CDH22: variants seen among roughly 807,000 people sequenced by gnomAD.
CDH22 encodes the protein cadherin 22, also known as cadherin-22.
CDH22 carries 30 observed loss-of-function variants against 58.4 expected under a neutral mutation model. That is an observed-to-expected ratio of 0.51 (90% CI 0.38 to 0.70). The LOEUF (loss-of-function observed/expected upper bound fraction) is 0.70. Among genes scored for constraint, CDH22 ranks in the 30% least tolerant of loss-of-function variants. The pLI, the probability that CDH22 is intolerant of heterozygous loss-of-function variation, is 0.00. For missense variants in CDH22, 1,014 were observed against 1,233.9 expected, an observed-to-expected ratio of 0.82 and a Z score of 2.67; for synonymous variants, 513 against 558.2, an observed-to-expected ratio of 0.92 and a Z score of 1.14.
rs776689954 is a variant in CDH22 at position 46,213,058 on chromosome 20, G to A, written c.969C>T (p.Gly323=). The change falls in exon 6 of 12, where the codon GGC becomes GGT. Residue 323 remains glycine, a synonymous_variant. Transcript: ENST00000537909. ...TYHLKDESSS[G]GDVFKVTTDS... is the part of the protein sequence containing the mutation. The stretch of plus-strand genomic sequence containing the variant: ...CTGTGGTGACCTTGAACACATCGCC[G>A]CCGCTGCTGCTCTCGTCCTTAAGGT... 3.0e-5 allele frequency: 48 copies of A among 1,614,132 alleles called. No homozygotes were observed. In the East Asian group the frequency reaches 7.8e-4, roughly 26 times the overall value.
intron 1 of CDH22, among the ~76,000 whole-genome samples, chr20:46,290,383 C>T (rs1004014051): frequency 6.6e-6 from 1 of 152,074 alleles, no homozygotes; most frequent in Non-Finnish European, 1.5e-5. Context: ...GGGTAGAGGC[C>T]AGGAATGCTG....
intron 1 of CDH22, among the ~76,000 whole-genome samples, chr20:46,301,457 G>A (rs1198059167): frequency 6.6e-6 from 1 of 151,706 alleles, no homozygotes; most frequent in Non-Finnish European, 1.5e-5. Flanking sequence ...AGGTTGTCAT[G>A]TTTCTCATTT....
chr20:46,301,592 C>T (rs1362812103), intron 1 of CDH22, among the ~76,000 whole-genome samples: 1 of 151,858 alleles, frequency 6.6e-6, no homozygotes, highest in Non-Finnish European at 1.5e-5. Context: ...GGGTGGACCA[C>T]CAGAGGTCAG....
chr20:46,241,908 T>C lies in CDH22; in HGVS notation c.256-651A>G, dbSNP rs1213935503. 6.6e-6 allele frequency among the ~76,000 whole-genome samples: 1 copy of C among 152,192 alleles called. No homozygotes were observed. The highest frequency in any genetic ancestry group is 1.5e-5 in the Non-Finnish European group (1 of 68,034). ...AGGTCTGGGGCCAGGCCTCAGACTT[T>C]GCATTTCTAACAAACTTCCAGGCTG... is the stretch of plus-strand genomic sequence containing the variant. On this transcript the variant is annotated intron_variant, in intron 2 of 11. Transcript: ENST00000537909. The surrounding 1 kb of genome is among the most constrained non-coding windows in gnomAD (Gnocchi z 5.2).
At chr20:46,235,669 C>T (rs1449540986) in intron 3 of CDH22, among the ~76,000 whole-genome samples, 1 of 152,182 alleles carries the variant, frequency 6.6e-6, no homozygotes, top group East Asian at 1.9e-4. Context: ...TCTCCTCTGC[C>T]TCTTACTCCC....
chr20:46,261,679 C>T (rs529182402), intron 1 of CDH22, among the ~76,000 whole-genome samples: 6 of 152,248 alleles, frequency 3.9e-5, no homozygotes, highest in East Asian at 1.9e-4. Context: ...TGAGTCCCAG[C>T]GGCACTGTGC....
At chr20:46,180,613 T>TA (rs1247548245) in intron 10 of CDH22, among the ~76,000 whole-genome samples, 1 of 152,202 alleles carries the variant, frequency 6.6e-6, no homozygotes, top group African/African-American at 2.4e-5. Flanking sequence ...TTAATCCTCA[T>TA]AACCTGTTAA....
chr20:46,290,544 T>A (rs1304394768), intron 1 of CDH22, among the ~76,000 whole-genome samples: 1 of 151,778 alleles, frequency 6.6e-6, no homozygotes, highest in African/African-American at 2.4e-5. Flanking sequence ...GGGCCAGGAG[T>A]CAGGATATGA....
intron 1 of CDH22, among the ~76,000 whole-genome samples, chr20:46,301,668 G>A (rs1025476465): frequency 2.6e-4 from 40 of 151,890 alleles, no homozygotes; most frequent in Non-Finnish European, 3.1e-4. Flanking sequence ...AAAATTGGCC[G>A]GGTGTTGTGG....
At chr20:46,264,695 G>C (rs1332292894) in intron 1 of CDH22, among the ~76,000 whole-genome samples, 1 of 152,104 alleles carries the variant, frequency 6.6e-6, no homozygotes, top group Non-Finnish European at 1.5e-5. Context: ...GGACAGGCCT[G>C]CGTTTGGCTC....
chr20:46,245,874 C>T (rs1250444936), intron 2 of CDH22, among the ~76,000 whole-genome samples: 1 of 150,280 alleles, frequency 6.7e-6, no homozygotes, highest in Non-Finnish European at 1.5e-5. Context: ...GATGGGCAAA[C>T]TGAGGCCCAG....
chr20:46,228,794 G>T (rs1281249185), intron 3 of CDH22, among the ~76,000 whole-genome samples: 1 of 152,186 alleles, frequency 6.6e-6, no homozygotes, highest in African/African-American at 2.4e-5. Context: ...CCCTGGGCCA[G>T]CAGGGCTGCA....
At chr20:46,183,883 C>G (rs1480948950) in intron 10 of CDH22, among the ~76,000 whole-genome samples, 1 of 152,274 alleles carries the variant, frequency 6.6e-6, no homozygotes, top group East Asian at 1.9e-4. Flanking sequence ...CCTCCCAGTC[C>G]TGTCTCTTAC....
In CDH22 at chr20:46,293,030, C is replaced by A. The variant is rs957880853; in HGVS notation, c.-400+15225G>T. The stretch of plus-strand genomic sequence containing the variant: ...TTCCTAATCCTAATGTTTTTGTGGT[C>A]CACACAGTGCCTGGCACAGAGTAGA... On this transcript the variant is annotated intron_variant, in intron 1 of 11. Transcript: ENST00000537909. 3.3e-5 allele frequency among the ~76,000 whole-genome samples: 5 copies of A among 151,926 alleles called. 1 individual carries two copies. The South Asian group carries it at 8.3e-4, about 25-fold the overall frequency.
intron 1 of CDH22, among the ~76,000 whole-genome samples, chr20:46,272,339 G>T (rs141610798): frequency 6.6e-6 from 1 of 152,188 alleles, no homozygotes; most frequent in Non-Finnish European, 1.5e-5. Context: ...TTCCTGAGAC[G>T]TGCATGTTGA....
At chr20:46,245,094 G>T (rs974516486) in intron 2 of CDH22, among the ~76,000 whole-genome samples, 1 of 152,070 alleles carries the variant, frequency 6.6e-6, no homozygotes, top group African/African-American at 2.4e-5. Flanking sequence ...CGCTTAGTAG[G>T]TGCTCAATAT....
At chr20:46,234,924 A>C (rs2086243066) in intron 3 of CDH22, among the ~76,000 whole-genome samples, 1 of 152,236 alleles carries the variant, frequency 6.6e-6, no homozygotes, top group Non-Finnish European at 1.5e-5. Context: ...ATATGTGTTT[A>C]TTGAATTAAA....
intron 1 of CDH22, among the ~76,000 whole-genome samples, chr20:46,266,059 T>C (rs2086458108): frequency 6.6e-6 from 1 of 152,018 alleles, no homozygotes; most frequent in African/African-American, 2.4e-5. Context: ...CTACCCAGAT[T>C]TTGGGTATGT....
intron 2 of CDH22, among the ~76,000 whole-genome samples, chr20:46,243,483 C>T (rs554549728): frequency 2.6e-5 from 4 of 152,184 alleles, no homozygotes; most frequent in Admixed American, 2.6e-4. Flanking sequence ...CACTGAGAAG[C>T]CTTCTTCCTG....
Sources: allele counts gnomAD v4.1 joint callset (sites outside exome capture counted in the v4.1 genomes callset), GRCh38; gene constraint gnomAD v4.1.1; non-coding constraint Gnocchi (gnomAD v3.1); transcripts MANE v1.5; gene names NCBI Gene and HGNC (gene_info 2026-07-23, HGNC 2026-07-21).